FOXP1: variants seen among roughly 807,000 people sequenced by gnomAD.
The protein encoded by FOXP1 is forkhead box P1, also known as forkhead box protein P1.
FOXP1 carries 15 observed loss-of-function variants against 98.2 expected under a neutral mutation model. That is an observed-to-expected ratio of 0.15 (90% CI 0.10 to 0.24). The LOEUF (loss-of-function observed/expected upper bound fraction) is 0.24. FOXP1 is among the 10% of genes least tolerant of loss of function. FOXP1 has a pLI of 1.00. For synonymous variants in FOXP1, 371 were observed against 314.5 expected (o/e 1.18, Z -1.90); for missense variants, 633 against 848.5 (o/e 0.75, Z 3.15).
chr3:70,978,203 A>C (rs2038009597), intron 14 of FOXP1, among the ~76,000 whole-genome samples, 174 bp from the exon 15 acceptor site: 1 of 152,170 alleles, frequency 6.6e-6, no homozygotes, highest in African/African-American at 2.4e-5. Flanking sequence ...TTCACTTAGG[A>C]TGCAGTGTAA....
At chr3:71,566,565 AAAAT>A (rs1183416915) in intron 2 of FOXP1, among the ~76,000 whole-genome samples, 2 of 152,224 alleles carry the variant, frequency 1.3e-5, no homozygotes, top group Non-Finnish European at 2.9e-5. Flanking sequence ...GGCAATTTGG[AAAAT>A]AGATAGGAAT....
At chr3:71,428,774 C>G (rs561417226) in intron 3 of FOXP1, among the ~76,000 whole-genome samples, 1 of 152,168 alleles carries the variant, frequency 6.6e-6, no homozygotes, top group East Asian at 1.9e-4. Context: ...CCTGGACACA[C>G]ATACACACAA....
intron 7 of FOXP1, among the ~76,000 whole-genome samples, chr3:71,054,178 C>A (rs1303158631): frequency 6.6e-6 from 1 of 152,114 alleles, no homozygotes; most frequent in Non-Finnish European, 1.5e-5. Context: ...GCAGGTGGAG[C>A]CCATATGAGC....
At chr3:71,198,432 G>GGGGC in intron 5 of FOXP1, 40 bp from the exon 6 acceptor site, 6 of 491,034 alleles carry the variant, frequency 1.2e-5, no homozygotes, top group East Asian at 5.7e-5. Context: ...GGGAGGGGGG[G>GGGGC]AGAAAAAAAA....
intron 5 of FOXP1, among the ~76,000 whole-genome samples, chr3:71,298,421 C>T (rs774183458): frequency 7.9e-5 from 12 of 151,742 alleles, no homozygotes; most frequent in South Asian, 2.1e-4. Context: ...GCCGAGATCC[C>T]GCCACTGCAC....
At chr3:70,966,933 A>T (rs1179371341) in intron 19 of FOXP1, among the ~76,000 whole-genome samples, 1 of 152,226 alleles carries the variant, frequency 6.6e-6, no homozygotes, top group Non-Finnish European at 1.5e-5. Context: ...CTAGTTACAT[A>T]TACCACTGGA....
intron 2 of FOXP1, among the ~76,000 whole-genome samples, chr3:71,569,619 A>G (rs2047176220): frequency 6.6e-6 from 1 of 152,210 alleles, no homozygotes; most frequent in South Asian, 2.1e-4. Flanking sequence ...TTTAAATATG[A>G]GTAGTATATT....
intron 5 of FOXP1, among the ~76,000 whole-genome samples, chr3:71,233,423 T>C (rs2066498139): frequency 6.6e-6 from 1 of 151,942 alleles, no homozygotes; most frequent in East Asian, 1.9e-4. Context: ...AGTTTTTTTT[T>C]GTTTTTGTTT....
At chr3:70,982,758 G>C (rs2039081228) in intron 14 of FOXP1, among the ~76,000 whole-genome samples, 2 of 150,946 alleles carry the variant, frequency 1.3e-5, no homozygotes, top group South Asian at 4.2e-4. Context: ...CCTGTTTAAA[G>C]ATGATGAGTC....
At chr3:71,517,288 A>G (rs571054071) in intron 2 of FOXP1, among the ~76,000 whole-genome samples, 1 of 152,350 alleles carries the variant, frequency 6.6e-6, no homozygotes, top group East Asian at 1.9e-4. Flanking sequence ...ATTGAAGAGA[A>G]GGCAATAACG....
At chr3:71,095,636 G>C (rs1029882080) in intron 7 of FOXP1, among the ~76,000 whole-genome samples, 1 of 151,944 alleles carries the variant, frequency 6.6e-6, no homozygotes, top group Non-Finnish European at 1.5e-5. Flanking sequence ...ATAACATTTA[G>C]GCTGCTGAAT....
chr3:70,992,353 G>A (rs1348125874), intron 13 of FOXP1, among the ~76,000 whole-genome samples: 1 of 151,788 alleles, frequency 6.6e-6, no homozygotes. Context: ...CTTAGGCAGG[G>A]TATATCCAGT....
chr3:71,240,791 C>T (rs1003944668), intron 5 of FOXP1, among the ~76,000 whole-genome samples: 2 of 151,650 alleles, frequency 1.3e-5, no homozygotes, highest in Admixed American at 6.6e-5. Context: ...ATGATCTGCC[C>T]GCCCTGGCCT....
intron 4 of FOXP1, among the ~76,000 whole-genome samples, chr3:71,348,916 G>C (rs1284035253): frequency 6.6e-6 from 1 of 152,126 alleles, no homozygotes; most frequent in Non-Finnish European, 1.5e-5. Context: ...TGAACCATTA[G>C]ACAAGAGACC....
chr3:70,971,950 CAACCATGCA>C (rs1296066374), intron 18 of FOXP1: 1 of 1,299,534 alleles, frequency 7.7e-7, no homozygotes, highest in East Asian at 2.8e-5. Flanking sequence ...TGGGATGAGT[CAACCATGCA>C]AAGCCAAAGC....
chr3:71,132,858 A>C (rs2059638971), intron 6 of FOXP1, among the ~76,000 whole-genome samples: 1 of 152,164 alleles, frequency 6.6e-6, no homozygotes, highest in Admixed American at 6.5e-5. Context: ...CTGGATCCTA[A>C]GAGTGTTTTT....
At chr3:71,369,401 AAAAC>A (rs2079139257) in intron 3 of FOXP1, among the ~76,000 whole-genome samples, 1 of 152,154 alleles carries the variant, frequency 6.6e-6, no homozygotes, top group Non-Finnish European at 1.5e-5. Context: ...AAAAAACAAA[AAAAC>A]AAAAACAGAA....
At chr3:71,349,092 G>A (rs1263355065) in intron 4 of FOXP1, among the ~76,000 whole-genome samples, 2 of 152,154 alleles carry the variant, frequency 1.3e-5, no homozygotes, top group Non-Finnish European at 2.9e-5. Context: ...ATATAACCAT[G>A]TGCCACTACA....
At chr3:71,375,195 G>C (rs961999944) in intron 3 of FOXP1, among the ~76,000 whole-genome samples, 2 of 152,138 alleles carry the variant, frequency 1.3e-5, no homozygotes, top group Admixed American at 1.3e-4. Context: ...GGGTTGGGAG[G>C]AAAAAACAGA....
Sources: allele counts gnomAD v4.1 joint callset (sites outside exome capture counted in the v4.1 genomes callset), GRCh38; gene constraint gnomAD v4.1.1; transcripts MANE v1.5; gene names NCBI Gene and HGNC (gene_info 2026-07-23, HGNC 2026-07-21).